SATB2: variants seen among roughly 807,000 people sequenced by gnomAD.
SATB2 encodes DNA-binding protein SATB2.
Under a neutral mutation model 73.4 loss-of-function variants are expected in SATB2, and 1 was observed. That is an observed-to-expected ratio of 0.01 (90% CI 0.00 to 0.06). The LOEUF (loss-of-function observed/expected upper bound fraction) is 0.06, where lower values mean the gene tolerates loss of function less well. Ranked by LOEUF, SATB2 falls within the 10% of genes least tolerant of loss-of-function variation. The pLI is 1.00. For missense variants in SATB2, 459 were observed against 945.8 expected (o/e 0.49, Z 6.75); for synonymous variants, 397 against 367.0 (o/e 1.08, Z -0.93).
At chr2:199,352,010 C>T (rs1227953512) in intron 6 of SATB2, among the ~76,000 whole-genome samples, 1 of 152,120 alleles carries the variant, frequency 6.6e-6, no homozygotes, top group Non-Finnish European at 1.5e-5. Context: ...ACTGGGATTA[C>T]AGGCATATGC....
At chr2:199,458,397 G>A (rs753578617), upstream of SATB2, 18 of 350,934 alleles carry the variant, frequency 5.1e-5, no homozygotes, top group South Asian at 3.2e-4. Context: ...CGGTCGGAGC[G>A]GGGTGACGAG....
At position 199,381,737 on chromosome 2, in the gene SATB2, G is replaced by C. The variant is rs1689783166; in HGVS notation, c.430C>G (p.Gln144Glu). The change falls in exon 4 of 11, where the codon CAA (glutamine) becomes GAA (glutamate). Residue 144 changes from glutamine (Q) to glutamate (E), a missense_variant. Physicochemically the swap from Gln to Glu is conservative, Grantham distance 29. Transcript: ENST00000417098. ...APDATVADMLQDVYHVVTLKI... is the reference protein window; with the variant it reads ...APDATVADMLEDVYHVVTLKI... Reference sequence around the variant, plus strand: ...AACGTCACAACATGATAGACATCTTGTAGCATGTCGGCCACTGTCGCGTCG... The same window carrying C: ...AACGTCACAACATGATAGACATCTTCTAGCATGTCGGCCACTGTCGCGTCG... 3.1e-6 allele frequency: 5 copies of C among 1,614,024 alleles called. No individual in the cohort carries two copies. The highest frequency in any genetic ancestry group is 4.2e-6 in the Non-Finnish European group (5 of 1,179,982).
Position 199,455,605 on chromosome 2 carries a change from G to A in SATB2, c.169+264C>T, listed in dbSNP as rs147932100. On this transcript the variant is annotated intron_variant, in intron 2 of 10. Transcript: ENST00000417098. The surrounding 1 kb of genome is among the most constrained non-coding windows in gnomAD (Gnocchi z 4.1). ...AGGAAAATCTAGAAACAGTTAGCTG[G>A]CTGTGACATAAACCTGCCAACACCT... 2.4e-4 allele frequency among the ~76,000 whole-genome samples: 37 copies of A among 152,328 alleles called. No homozygotes were observed. Among genetic ancestry groups the A allele is most frequent in the African/African-American group, 8.7e-4 (36 of 41,576 alleles).
chr2:199,345,142 G>A (rs1249448229), intron 7 of SATB2, among the ~76,000 whole-genome samples: 1 of 151,928 alleles, frequency 6.6e-6, no homozygotes, highest in African/African-American at 2.4e-5. Context: ...GCTGCTGGTG[G>A]TGGTGATAGC....
At chr2:199,340,507 C>T (rs925076118) in intron 7 of SATB2, among the ~76,000 whole-genome samples, 1 of 152,126 alleles carries the variant, frequency 6.6e-6, no homozygotes, top group Admixed American at 6.5e-5. Flanking sequence ...CAACTGAAAA[C>T]ATGTTTCCAA....
intron 3 of SATB2, among the ~76,000 whole-genome samples, chr2:199,405,167 T>G (rs998493975): frequency 6.6e-6 from 1 of 152,174 alleles, no homozygotes; most frequent in Non-Finnish European, 1.5e-5. Context: ...GGCTAAGAGA[T>G]AGGTGTGAGC....
intron 3 of SATB2, among the ~76,000 whole-genome samples, chr2:199,393,943 T>C (rs764121537): frequency 2.0e-5 from 3 of 152,196 alleles, no homozygotes; most frequent in Non-Finnish European, 4.4e-5. Context: ...TCCAGCCGAC[T>C]GCACTTCTTC....
chr2:199,294,896 A>T (rs113692437), intron 10 of SATB2, among the ~76,000 whole-genome samples: 73 of 152,258 alleles, frequency 4.8e-4, no homozygotes, highest in Admixed American at 7.9e-4. Context: ...TACTTTTTTT[A>T]AAAAAATTGA....
rs1261105637 is a variant in SATB2, at chr2:199,308,079, A to C, written c.1740+681T>G. 6.6e-6 allele frequency among the ~76,000 whole-genome samples: 1 copy of C among 152,200 alleles called. No individual in the cohort carries two copies. Among genetic ancestry groups the C allele is most frequent in the Admixed American group, 6.5e-5 (1 of 15,284 alleles). On this transcript the variant is annotated intron_variant, in intron 10 of 10. Coordinates refer to ENST00000417098, the MANE Select transcript of SATB2 (RefSeq NM_001172509.2). This position sits in a 1 kb window ranked among gnomAD's most constrained non-coding sequence, Gnocchi z 4.6. ...GAAACCTCAACTAATATTTCTTCTT[A>C]AAAGCAATTAATTTTAGACTATGGA...
At chr2:199,360,328 T>C (rs138703386) in intron 6 of SATB2, among the ~76,000 whole-genome samples, 157 of 152,274 alleles carry the variant, frequency 1.0e-3, no homozygotes, top group African/African-American at 3.6e-3. Flanking sequence ...ATTCTGTTTC[T>C]GGGCAGGACA....
rs554473159 is a variant in SATB2 at position 199,393,530 on chromosome 2, C to T, written c.347-11710G>A. Among the ~76,000 whole-genome samples, 13 of 152,206 alleles carry T rather than the reference C, an allele frequency of 8.5e-5. 1 individual carries two copies. The highest frequency in any genetic ancestry group is 3.1e-4 in the African/African-American group (13 of 41,538). ...AACCCTCAACCAAATCTTGTGGAAT[C>T]CACTACAGTCCCAGAGACTTACTGA... On this transcript the variant is annotated intron_variant, in intron 3 of 10. Transcript: ENST00000417098.
rs576455795 is a variant in SATB2, at chr2:199,420,447, T to A, written c.346+12891A>T. Among the ~76,000 whole-genome samples the A allele has an allele frequency of 3.3e-5, 5 of 152,260 alleles. No homozygotes were observed. In the East Asian group the frequency reaches 9.7e-4, roughly 29 times the overall value. Reference sequence around the variant, plus strand: ...AAAACATCCTACTGGTGGGTGCTTGTTTGGATGAAAAATTGGTTATTTTAG... The same window carrying A: ...AAAACATCCTACTGGTGGGTGCTTGATTGGATGAAAAATTGGTTATTTTAG... On this transcript the variant is annotated intron_variant, in intron 3 of 10. Coordinates refer to ENST00000417098, the MANE Select transcript of SATB2 (RefSeq NM_001172509.2).
chr2:199,402,494 T>C (rs896235545), intron 3 of SATB2, among the ~76,000 whole-genome samples: 1 of 152,094 alleles, frequency 6.6e-6, no homozygotes, highest in Non-Finnish European at 1.5e-5. Flanking sequence ...GAGGTGGAGG[T>C]TGCAGTGAGC....
intron 3 of SATB2, among the ~76,000 whole-genome samples, chr2:199,386,583 G>A (rs1345277193): frequency 6.6e-6 from 1 of 152,188 alleles, no homozygotes; most frequent in Non-Finnish European, 1.5e-5. Context: ...CATAACTTAA[G>A]TATACAGATG....
intron 10 of SATB2, among the ~76,000 whole-genome samples, chr2:199,306,141 A>C (rs1347810486): frequency 6.6e-6 from 1 of 152,148 alleles, no homozygotes; most frequent in Admixed American, 6.6e-5. Context: ...ACAATTACAG[A>C]CCTTTTTATA....
chr2:199,290,927 A>T, intron 10 of SATB2, among the ~76,000 whole-genome samples: 1 of 152,230 alleles, frequency 6.6e-6, no homozygotes, highest in East Asian at 1.9e-4. Flanking sequence ...CAAACAAAGG[A>T]AACCTTTAAA....
chr2:199,434,342 T>C (rs1021598351), intron 2 of SATB2, among the ~76,000 whole-genome samples: 2 of 152,246 alleles, frequency 1.3e-5, no homozygotes, highest in Admixed American at 1.3e-4. Flanking sequence ...TTAGTCTAGT[T>C]GAAAATCTGT....
In SATB2 at chr2:199,298,324, A is replaced by T. The variant is rs528769452; in HGVS notation, c.1740+10436T>A. Among the ~76,000 whole-genome samples, 4 of 152,244 alleles carry T rather than the reference A, an allele frequency of 2.6e-5. No homozygotes were observed. The South Asian group carries it at 8.3e-4, about 32-fold the overall frequency. On this transcript the variant is annotated intron_variant, in intron 10 of 10. Transcript: ENST00000417098. ...TGATGGTCCTAGAATTCAAACCCAG[A>T]TCTTCTGAAGGTCCAGTGGCCTTTC...
intron 3 of SATB2, among the ~76,000 whole-genome samples, chr2:199,431,531 T>G (rs1691501315): frequency 6.6e-6 from 1 of 152,224 alleles, no homozygotes; most frequent in African/African-American, 2.4e-5. Context: ...ATTTAGCATT[T>G]TAGCCTTAAT....
Sources: allele counts gnomAD v4.1 joint callset (sites outside exome capture counted in the v4.1 genomes callset), GRCh38; gene constraint gnomAD v4.1.1; non-coding constraint Gnocchi (gnomAD v3.1); transcripts MANE v1.5; gene names NCBI Gene and HGNC (gene_info 2026-07-23, HGNC 2026-07-21).